Variants in SYTL5 observed in about 807,000 individuals in gnomAD.
SYTL5 encodes synaptotagmin-like protein 5.
SYTL5 carries 34 observed loss-of-function variants against 55.9 expected under a neutral mutation model. The observed-to-expected ratio is 0.61, with a 90% CI of 0.46 to 0.81. The LOEUF (loss-of-function observed/expected upper bound fraction) is 0.81, where lower values mean the gene tolerates loss of function less well. Ranked by LOEUF, SYTL5 falls within the 30% of genes least tolerant of loss-of-function variation. The pLI is 0.00. For synonymous variants in SYTL5, 221 were observed against 188.7 expected, an observed-to-expected ratio of 1.17 and a Z score of -1.40; for missense variants, 637 against 546.7, an observed-to-expected ratio of 1.17 and a Z score of -1.65.
the SYTL5 span, among the ~76,000 whole-genome samples, chrX:37,927,735 C>T: frequency 9.0e-6 from 1 of 111,120 alleles, no homozygotes; most frequent in Non-Finnish European, 1.9e-5. Flanking sequence ...AAGATTGTAC[C>T]ATTGCACTCC....
At chrX:37,898,418 C>T in the SYTL5 span, among the ~76,000 whole-genome samples, 72 of 112,185 alleles carry the variant, frequency 6.4e-4, no homozygotes, top group African/African-American at 2.0e-3. Context: ...AGCTGACTTG[C>T]TTCTTGTCCT....
Position 38,093,150 on chromosome X carries a change from T to C in SYTL5, c.832-1145T>C, listed in dbSNP as rs764723035. Among the ~76,000 whole-genome samples the C allele has an allele frequency of 4.5e-5, 5 of 112,048 alleles. No homozygotes were observed. In the South Asian group the frequency reaches 1.9e-3, roughly 42 times the overall value. The stretch of plus-strand genomic sequence containing the variant: ...CAATTAGAGGAAGTTAGGAGCTATA[T>C]ACCTCCAGCTACAGGTATTATGTGT... On this transcript the variant is annotated intron_variant, in intron 7 of 16. Transcript: ENST00000297875.
At chrX:38,110,067 G>C (rs766621851) in intron 12 of SYTL5, among the ~76,000 whole-genome samples, 2 of 111,823 alleles carry the variant, frequency 1.8e-5, no homozygotes, top group Non-Finnish European at 3.8e-5. Flanking sequence ...TTTTTATGCA[G>C]TATATGGAGT....
chrX:38,087,047 C>T (rs1337434578), intron 6 of SYTL5, among the ~76,000 whole-genome samples: 1 of 111,239 alleles, frequency 9.0e-6, no homozygotes, highest in Admixed American at 9.6e-5. Context: ...CTTTTGGTTT[C>T]AGCAAGGCTA....
At chrX:37,939,575 A>C in the SYTL5 span, 2 of 112,306 alleles carry the variant, frequency 1.8e-5, no homozygotes, top group African/African-American at 6.5e-5. Flanking sequence ...ATTCATTGTC[A>C]TCCTAGGTGC....
rs1002723599 is a variant in SYTL5 at position 38,078,407 on chromosome X, C to T, written c.689+1706C>T. On this transcript the variant is annotated intron_variant, in intron 6 of 16. Transcript: ENST00000297875. Reference sequence around the variant, plus strand: ...TCCCGAGTAGCTGGAACTACAGGTGCCCACCACCACGCCCAGCTAATTTTT... The same window carrying T: ...TCCCGAGTAGCTGGAACTACAGGTGTCCACCACCACGCCCAGCTAATTTTT... Among the ~76,000 whole-genome samples the T allele has an allele frequency of 2.7e-5, 3 of 110,074 alleles. No homozygotes were observed. In the East Asian group the frequency reaches 8.6e-4, roughly 31 times the overall value.
chrX:37,942,853 C>G, the SYTL5 span, among the ~76,000 whole-genome samples: 4 of 111,328 alleles, frequency 3.6e-5, no homozygotes, highest in Non-Finnish European at 7.5e-5. Context: ...TCTCCTCAGG[C>G]CTCCATATTG....
chrX:37,912,238 A>G, the SYTL5 span, among the ~76,000 whole-genome samples: 2 of 112,211 alleles, frequency 1.8e-5, no homozygotes, highest in Admixed American at 9.5e-5. Flanking sequence ...GTCAATGGGA[A>G]GAGGTTACCT....
intron 1 of SYTL5, among the ~76,000 whole-genome samples, chrX:38,022,433 G>T (rs1004382577): frequency 8.9e-6 from 1 of 112,058 alleles, no homozygotes; most frequent in South Asian, 3.7e-4. Flanking sequence ...GTGTTAGCAG[G>T]GTTGCATTTC....
At chrX:37,958,520 T>C in the SYTL5 span, among the ~76,000 whole-genome samples, 1 of 111,326 alleles carries the variant, frequency 9.0e-6, no homozygotes, top group African/African-American at 3.3e-5. Flanking sequence ...GGATTAAGTT[T>C]CCAACACACA....
At chrX:37,998,106 G>T in the SYTL5 span, among the ~76,000 whole-genome samples, 1 of 112,212 alleles carries the variant, frequency 8.9e-6, no homozygotes, top group Non-Finnish European at 1.9e-5. Context: ...GCAGAAAGGA[G>T]CTGCCCCCTG....
intron 6 of SYTL5, among the ~76,000 whole-genome samples, chrX:38,081,420 CA>C (rs1181840197): frequency 8.6e-5 from 9 of 104,138 alleles, no homozygotes; most frequent in Non-Finnish European, 1.2e-4. Flanking sequence ...TCTGAAGTTG[CA>C]AAAAAAAAAG....
chrX:37,916,917 G>A, the SYTL5 span, among the ~76,000 whole-genome samples: 2 of 111,165 alleles, frequency 1.8e-5, no homozygotes, highest in African/African-American at 6.5e-5. Flanking sequence ...AGGATCCCAC[G>A]CAGTCTTCAT....
At chrX:37,895,235 C>T in the SYTL5 span, among the ~76,000 whole-genome samples, 1 of 112,256 alleles carries the variant, frequency 8.9e-6, no homozygotes. Flanking sequence ...TGCTCAAAGA[C>T]TTAAGTTCAA....
At chrX:37,938,657 T>C in the SYTL5 span, among the ~76,000 whole-genome samples, 10,036 of 110,935 alleles carry the variant, frequency 0.09, 649 homozygotes, top group African/African-American at 0.22. Context: ...CTTTCCTCCT[T>C]CCTTCCCTCT....
Position 38,089,482 on chromosome X carries a change from A to G in SYTL5, c.726A>G (p.Glu242=). ...GCTCATCAGATCTCAATGACCAGGA[A>G]CCTGGTCCTAGGACCCCGAAGAGCA... ...STGSSDLNDQ[E]PGPRTPKSSR... Residue 242 remains glutamate (E), a synonymous_variant, in exon 7 of 17, where the codon GAA becomes GAG. Coordinates refer to ENST00000297875, the MANE Select transcript of SYTL5 (RefSeq NM_138780.3). The G allele has an allele frequency of 8.3e-7, 1 of 1,209,854 alleles. No individual in the cohort carries two copies. The highest frequency in any genetic ancestry group is 1.8e-5 in the South Asian group (1 of 56,722).
At chrX:38,108,743 CA>C in intron 12 of SYTL5, 44 bp downstream of exon 12, 2 of 849,787 alleles carry the variant, frequency 2.4e-6, no homozygotes, top group Non-Finnish European at 3.4e-6. Flanking sequence ...GTACTGTTCA[CA>C]ACTTCAATGG....
chrX:37,981,688 A>G, the SYTL5 span, among the ~76,000 whole-genome samples: 1 of 111,814 alleles, frequency 8.9e-6, no homozygotes, highest in Admixed American at 9.5e-5. Context: ...TTTATGCCCT[A>G]TGTTAGAAGC....
At chrX:37,933,971 G>A in the SYTL5 span, among the ~76,000 whole-genome samples, 2 of 111,171 alleles carry the variant, frequency 1.8e-5, no homozygotes, top group African/African-American at 6.5e-5. Flanking sequence ...GACATGTAAG[G>A]AAATCTCAAT....
Sources: allele counts gnomAD v4.1 joint callset (sites outside exome capture counted in the v4.1 genomes callset), GRCh38; gene constraint gnomAD v4.1.1; transcripts MANE v1.5; gene names NCBI Gene and HGNC (gene_info 2026-07-23, HGNC 2026-07-21).